Variants in FAM135B observed in about 807,000 individuals in gnomAD.
The protein encoded by FAM135B is family with sequence similarity 135 member B, also known as protein FAM135B.
FAM135B carries 43 observed loss-of-function variants against 127.7 expected under a neutral mutation model. The ratio of observed to expected loss-of-function variants is 0.34; its 90% CI spans 0.26 to 0.43. FAM135B has a LOEUF of 0.43. Ranked by LOEUF, FAM135B falls within the 20% of genes least tolerant of loss-of-function variation. The pLI is 1.00. For synonymous variants in FAM135B, 670 were observed against 665.1 expected (o/e 1.01, Z -0.11); for missense variants, 1,558 against 1,725.6 (o/e 0.90, Z 1.72).
chr8:138,489,775 T>C (rs1186356725), intron 1 of FAM135B, among the ~76,000 whole-genome samples: 1 of 152,130 alleles, frequency 6.6e-6, no homozygotes, highest in African/African-American at 2.4e-5. Flanking sequence ...TCTCAACCCC[T>C]GCTCTCCACC....
rs558564327 is a variant in FAM135B at position 138,143,618 on chromosome 8, C to T, written c.3541-509G>A. Among the ~76,000 whole-genome samples, 9 of 152,196 alleles carry T rather than the reference C, an allele frequency of 5.9e-5. No individual in the cohort carries two copies. The East Asian group carries it at 1.7e-3, about 29-fold the overall frequency. On this transcript the variant is annotated intron_variant, in intron 15 of 19. Transcript: ENST00000395297. ...TGGATGGTTGAAGGATCCAGGAGATCAAAGGAAGAGGAGGAATGCCACACA... is the reference window on the plus strand; with the variant it reads ...TGGATGGTTGAAGGATCCAGGAGATTAAAGGAAGAGGAGGAATGCCACACA...
At chr8:138,140,102 G>T (rs1310665661) in intron 17 of FAM135B, among the ~76,000 whole-genome samples, 1 of 152,196 alleles carries the variant, frequency 6.6e-6, no homozygotes, top group South Asian at 2.1e-4. Context: ...ATTTGTTTCT[G>T]TCCAAAGAAT....
rs1814729625 is a variant in FAM135B at position 138,178,822 on chromosome 8, T to C, written c.874-132A>G. 5.8e-6 allele frequency: 4 copies of C among 689,926 alleles called. No homozygotes were observed. In the Admixed American group the frequency reaches 1.2e-4, roughly 20 times the overall value. The allele number at this position is 689,926 out of a possible 1,614,324, so 42.7% of individuals were successfully genotyped here. A position where few individuals can be genotyped will look rare whatever the true frequency, so the allele number is the denominator to read the frequency against. ...TCCTTTCTCTGTACATCTGTAGTAT[T>C]ATATATTACAACTCATAGTACTATA... is the stretch of plus-strand genomic sequence containing the variant. On this transcript the variant is annotated intron_variant, in intron 9 of 19. Coordinates refer to ENST00000395297, the MANE Select transcript of FAM135B (RefSeq NM_015912.4).
chr8:138,251,072 C>T (rs2130491718), intron 5 of FAM135B, 58 bp from the exon 6 acceptor site: 1 of 1,594,928 alleles, frequency 6.3e-7, no homozygotes, highest in Non-Finnish European at 8.5e-7. Context: ...TGCTGTCCTC[C>T]TAGCATGTCT....
In FAM135B at chr8:138,152,599, C is replaced by G. The variant is rs2130775283; in HGVS notation, c.1876G>C (p.Gly626Arg). ...STLGKGIDQE[G>R]KMVLLSLKLT... ...TTCAAGCTTAGCAGCACCATCTTCC[C>G]CTCTTGATCTATTCCCTTTCCTAGA... Residue 626 changes from glycine to arginine, a missense_variant, in exon 13 of 20, where the codon GGG becomes CGG. Gly to Arg is a moderately radical substitution (Grantham distance 125, BLOSUM62 -2). Around this residue, in one of 5 missense-constraint regions of FAM135B, gnomAD observed 923 missense variants for 865.3 expected, o/e 1.07. Coordinates refer to ENST00000395297, the MANE Select transcript of FAM135B (RefSeq NM_015912.4). 6.2e-7 allele frequency: 1 copy of G among 1,614,184 alleles called. No individual in the cohort carries two copies. The highest frequency in any genetic ancestry group is 1.1e-5 in the South Asian group (1 of 91,088).
At chr8:138,433,225 A>G (rs958987149) in intron 1 of FAM135B, among the ~76,000 whole-genome samples, 2 of 152,190 alleles carry the variant, frequency 1.3e-5, no homozygotes, top group Non-Finnish European at 1.5e-5. Context: ...ATCTTCATTT[A>G]AAAAGATTAT....
chr8:138,384,524 C>T (rs1193570575), intron 1 of FAM135B, among the ~76,000 whole-genome samples: 1 of 152,126 alleles, frequency 6.6e-6, no homozygotes, highest in African/African-American at 2.4e-5. Context: ...AGAGGCTCTA[C>T]TGCAATAGGT....
In FAM135B at chr8:138,164,355, A is replaced by G. The variant is rs527919930; in HGVS notation, c.1258+3540T>C. On this transcript the variant is annotated intron_variant, in intron 12 of 19. Coordinates refer to ENST00000395297, the MANE Select transcript of FAM135B (RefSeq NM_015912.4). ...TGAGAGTGACTGCCTTTGTTCTTCC[A>G]GGAAGATGAGTGCACCTGCACTGTG... is the stretch of plus-strand genomic sequence containing the variant. 2.0e-5 allele frequency among the ~76,000 whole-genome samples: 3 copies of G among 152,314 alleles called. No individual in the cohort carries two copies. In the East Asian group the frequency reaches 5.8e-4, roughly 29 times the overall value.
chr8:138,305,669 CT>C (rs1826189942), intron 3 of FAM135B, among the ~76,000 whole-genome samples: 1 of 152,168 alleles, frequency 6.6e-6, no homozygotes, highest in Admixed American at 6.5e-5. Context: ...TAACATTCAT[CT>C]TTGTATTTCT....
chr8:138,396,252 G>A (rs149937835), intron 1 of FAM135B, among the ~76,000 whole-genome samples: 12 of 152,260 alleles, frequency 7.9e-5, no homozygotes, highest in Middle Eastern at 3.4e-3. Context: ...ATCCTTGACC[G>A]TGTCTGCATG....
intron 7 of FAM135B, among the ~76,000 whole-genome samples, chr8:138,201,402 T>C (rs922216159): frequency 2.0e-5 from 3 of 152,000 alleles, no homozygotes; most frequent in Non-Finnish European, 4.4e-5. Context: ...ATTGAAATAA[T>C]AATAAGTCAA....
chr8:138,216,481 A>T (rs1251581258), intron 7 of FAM135B, among the ~76,000 whole-genome samples: 1 of 152,130 alleles, frequency 6.6e-6, no homozygotes, highest in East Asian at 1.9e-4. Context: ...TTGGCATTGC[A>T]CTAATGGAGA....
At chr8:138,282,723 C>T (rs369693036) in intron 3 of FAM135B, among the ~76,000 whole-genome samples, 24 of 152,234 alleles carry the variant, frequency 1.6e-4, no homozygotes, top group Middle Eastern at 3.4e-3. Flanking sequence ...CTCTCATTCA[C>T]GACATGTGGG....
intron 3 of FAM135B, among the ~76,000 whole-genome samples, chr8:138,300,775 T>C (rs1208129607): frequency 1.5e-5 from 2 of 133,774 alleles, no homozygotes. Flanking sequence ...TTTTAGAGAC[T>C]GAGTCTCGCT....
chr8:138,273,702 T>C (rs1167971199), intron 3 of FAM135B, among the ~76,000 whole-genome samples: 1 of 152,176 alleles, frequency 6.6e-6, no homozygotes, highest in African/African-American at 2.4e-5. Context: ...GGGAGCCAGA[T>C]GATGCCTCAT....
intron 11 of FAM135B, among the ~76,000 whole-genome samples, chr8:138,176,287 A>G (rs986688527): frequency 6.6e-6 from 1 of 152,234 alleles, no homozygotes; most frequent in Non-Finnish European, 1.5e-5. Context: ...CTATTGTTGC[A>G]GTAACTCTGG....
At chr8:138,429,190 C>G (rs965491333) in intron 1 of FAM135B, among the ~76,000 whole-genome samples, 1 of 152,152 alleles carries the variant, frequency 6.6e-6, no homozygotes, top group Admixed American at 6.5e-5. Flanking sequence ...ATTAAGAAAC[C>G]TGGCACTATT....
At chr8:138,192,674 C>T (rs530937132) in intron 9 of FAM135B, among the ~76,000 whole-genome samples, 1 of 152,170 alleles carries the variant, frequency 6.6e-6, no homozygotes, top group African/African-American at 2.4e-5. Flanking sequence ...CCAACCCAAC[C>T]AATCAGCACT....
intron 7 of FAM135B, among the ~76,000 whole-genome samples, chr8:138,209,010 G>C (rs948885076): frequency 1.3e-5 from 2 of 152,102 alleles, no homozygotes; most frequent in East Asian, 3.9e-4. Context: ...TAATCTGTTT[G>C]ACTTTAGAGA....
Sources: gnomAD v4.1 joint callset for allele counts (sites outside exome capture counted in the v4.1 genomes callset) on GRCh38, gnomAD v4.1.1 for gene constraint, gnomAD v4.1.1 regional missense constraint, MANE v1.5 for transcripts, NCBI Gene and HGNC (gene_info 2026-07-23, HGNC 2026-07-21) for gene names.